The following FRA10AC1 variants were observed in gnomAD, a reference collection of about 807,000 sequenced individuals.
FRA10AC1 encodes FRA10A associated CGG repeat 1.
In FRA10AC1, 43 loss-of-function variants were observed where a neutral mutation model predicts 56.5. The observed-to-expected ratio is 0.76, with a 90% CI of 0.60 to 0.98. The LOEUF (loss-of-function observed/expected upper bound fraction) is 0.98. Ranked by LOEUF, FRA10AC1 falls within the 50% of genes least tolerant of loss-of-function variation. The pLI is 0.00. For synonymous variants in FRA10AC1, 112 were observed against 110.5 expected (o/e 1.01, Z -0.09); for missense variants, 346 against 351.8 (o/e 0.98, Z 0.13).
chr10:93,674,294 T>C (rs909154016), intron 12 of FRA10AC1: 6 of 152,158 alleles, frequency 3.9e-5, no homozygotes, highest in African/African-American at 7.2e-5. Flanking sequence ...CCAACAGAAA[T>C]TGAGTTTTTC....
chr10:93,672,067 C>T (rs527572686), intron 12 of FRA10AC1: 26 of 451,122 alleles, frequency 5.8e-5, no homozygotes, highest in African/African-American at 5.2e-4. Context: ...GCAGACAACT[C>T]CTCTCCAATA....
intron 4 of FRA10AC1, among the ~76,000 whole-genome samples, chr10:93,697,545 T>C (rs2059253627): frequency 1.3e-5 from 2 of 152,200 alleles, no homozygotes; most frequent in Admixed American, 1.3e-4. Context: ...ATGGCCAGCG[T>C]AGCAGTTAGT....
intron 8 of FRA10AC1, among the ~76,000 whole-genome samples, chr10:93,686,129 C>G (rs2059023565): frequency 6.6e-6 from 1 of 151,780 alleles, no homozygotes; most frequent in African/African-American, 2.4e-5. Context: ...TTTGCACTAA[C>G]AGAAGCAAAT....
At chr10:93,691,556 T>TTAG (rs2059124978) in intron 7 of FRA10AC1, among the ~76,000 whole-genome samples, 1 of 152,226 alleles carries the variant, frequency 6.6e-6, no homozygotes, top group Admixed American at 6.5e-5. Flanking sequence ...GATTGAAATG[T>TTAG]TAATTTTACT....
At chr10:93,693,553 C>CAT (rs1564820286) in intron 5 of FRA10AC1, among the ~76,000 whole-genome samples, 1 of 131,404 alleles carries the variant, frequency 7.6e-6, no homozygotes, top group African/African-American at 3.0e-5. Flanking sequence ...TATATACACA[C>CAT]ATACATACAC....
At position 93,687,377 on chromosome 10, in the gene FRA10AC1, TA is replaced by T. The variant is rs1472676784; in HGVS notation, c.511+26del. Reference sequence around the variant, plus strand: ...ACTTAACAAAATAAGTTTATCCTATTAAAAAGTAAAAATTTTAAAGAATTAC... The same window carrying T: ...ACTTAACAAAATAAGTTTATCCTATTAAAAGTAAAAATTTTAAAGAATTAC... On this transcript the variant is annotated intron_variant, in intron 8 of 13. Coordinates refer to ENST00000359204, the MANE Select transcript of FRA10AC1 (RefSeq NM_145246.5). 2.8e-6 allele frequency: 4 copies of T among 1,447,964 alleles called. No individual in the cohort carries two copies. In the African/African-American group the frequency reaches 5.8e-5, roughly 21 times the overall value. 89.7% of individuals were successfully genotyped at this position (1,447,964 alleles called of 1,614,324 possible). A position where few individuals can be genotyped will look rare whatever the true frequency, so the allele number is the denominator to read the frequency against.
intron 10 of FRA10AC1, among the ~76,000 whole-genome samples, chr10:93,682,036 CT>C (rs1488536229): frequency 1.3e-5 from 2 of 151,974 alleles, no homozygotes; most frequent in African/African-American, 4.8e-5. Flanking sequence ...GAAATTTCTA[CT>C]CTTAAGAATA....
intron 2 of FRA10AC1, among the ~76,000 whole-genome samples, 178 bp from the exon 3 acceptor site, chr10:93,698,574 T>C (rs2059274861): frequency 8.2e-6 from 1 of 121,654 alleles, no homozygotes; most frequent in Admixed American, 8.5e-5. Flanking sequence ...ACCTTAACAT[T>C]ATTTTAATAC....
Position 93,692,744 on chromosome 10 carries a change from T to C in FRA10AC1, c.297-15A>G, listed in dbSNP as rs1003199160. 1 of 1,542,512 alleles carries C rather than the reference T, an allele frequency of 6.5e-7. No homozygotes were observed. The highest frequency in any genetic ancestry group is 1.4e-5 in the African/African-American group (1 of 71,184). ...TGTCATTTTCCCTGGAAAACAGAAC[T>C]TTTTCAATTTAATACAAAAACAAAA... is the stretch of plus-strand genomic sequence containing the variant. On this transcript the variant is annotated splice_polypyrimidine_tract_variant and intron_variant, in intron 5 of 13. Coordinates refer to ENST00000359204, the MANE Select transcript of FRA10AC1 (RefSeq NM_145246.5).
intron 1 of FRA10AC1, among the ~76,000 whole-genome samples, chr10:93,700,674 T>C (rs2059316080): frequency 6.6e-6 from 1 of 152,210 alleles, no homozygotes; most frequent in South Asian, 2.1e-4. Context: ...ATTTACTATA[T>C]TCCAGGAGAA....
At chr10:93,673,379 A>G (rs1245232319) in intron 12 of FRA10AC1, 1 of 456,330 alleles carries the variant, frequency 2.2e-6, no homozygotes, top group Admixed American at 2.3e-5. Context: ...CATTCTTCCT[A>G]CAATATAATT....
intron 12 of FRA10AC1, chr10:93,672,073 CAAT>C: frequency 6.7e-6 from 3 of 451,106 alleles, no homozygotes; most frequent in South Asian, 4.8e-5. Flanking sequence ...AACTCCTCTC[CAAT>C]AATGATTATT....
intron 10 of FRA10AC1, among the ~76,000 whole-genome samples, chr10:93,683,643 G>A (rs1207378865): frequency 4.6e-5 from 7 of 152,078 alleles, no homozygotes; most frequent in Non-Finnish European, 1.0e-4. Flanking sequence ...GAGCCACCGC[G>A]CCTGTTCTTG....
At position 93,668,297 on chromosome 10, in the gene FRA10AC1, T is replaced by A. The variant is rs1006208767; in HGVS notation, c.*1529A>T. 6.6e-6 allele frequency: 1 copy of A among 152,170 alleles called. No individual in the cohort carries two copies. The highest frequency in any genetic ancestry group is 6.5e-5 in the Admixed American group (1 of 15,272). 9.4% of individuals were successfully genotyped at this position (152,170 alleles called of 1,614,324 possible). On this transcript the variant is annotated 3_prime_UTR_variant, in exon 14 of 14. Transcript: ENST00000359204. ...AAGCATCTTCTCCTATATCTATCCA[T>A]CTATTTGCTCTTTATAAAAGCAGAT...
At chr10:93,690,781 G>T (rs556277216) in intron 7 of FRA10AC1, among the ~76,000 whole-genome samples, 1 of 152,086 alleles carries the variant, frequency 6.6e-6, no homozygotes, top group Non-Finnish European at 1.5e-5. Context: ...AACCAGATGT[G>T]GTACAGAGAA....
In FRA10AC1 at chr10:93,693,136, G is replaced by C. The variant is rs142293980; in HGVS notation, c.297-407C>G. Among the ~76,000 whole-genome samples the C allele has an allele frequency of 3.5e-3, 524 of 151,132 alleles. 4 individuals are homozygous for C. Among genetic ancestry groups the C allele is most frequent in the African/African-American group, 0.012 (508 of 41,216 alleles). On this transcript the variant is annotated intron_variant, in intron 5 of 13. Transcript: ENST00000359204. ...CGTATCTCATTTTACTAGTTTCCTA[G>C]GTAGAAGACTGAGTAAAGGAGGAAG... is the stretch of plus-strand genomic sequence containing the variant.
At chr10:93,699,796 T>A (rs182299619) in intron 2 of FRA10AC1, among the ~76,000 whole-genome samples, 1 of 152,348 alleles carries the variant, frequency 6.6e-6, no homozygotes, top group East Asian at 1.9e-4. Flanking sequence ...ATTCCAGAAA[T>A]CTGAAACTCT....
At chr10:93,697,173 G>C (rs1770235822) in intron 4 of FRA10AC1, among the ~76,000 whole-genome samples, 1 of 152,002 alleles carries the variant, frequency 6.6e-6, no homozygotes, top group Admixed American at 6.6e-5. Context: ...CCAGAAAAAA[G>C]AGTACCCATA....
At chr10:93,694,722 A>G in intron 5 of FRA10AC1, 139 bp downstream of exon 5, 1 of 109,364 alleles carries the variant, frequency 9.1e-6, no homozygotes, top group Non-Finnish European at 1.9e-5. Flanking sequence ...TTAAAAAAAA[A>G]AAAAAAAAAA....
Sources: gnomAD v4.1 joint callset for allele counts (sites outside exome capture counted in the v4.1 genomes callset) on GRCh38, gnomAD v4.1.1 for gene constraint, MANE v1.5 for transcripts, NCBI Gene and HGNC (gene_info 2026-07-23, HGNC 2026-07-21) for gene names.